SLC45A1: variants seen among roughly 807,000 people sequenced by gnomAD.
The protein encoded by SLC45A1 is solute carrier family 45 member 1, also known as proton-associated sugar transporter A.
Under a neutral mutation model 57.6 loss-of-function variants are expected in SLC45A1, and 28 were observed. That is an observed-to-expected ratio of 0.49 (90% CI 0.36 to 0.67). The LOEUF (loss-of-function observed/expected upper bound fraction) is 0.67, where lower values mean the gene tolerates loss of function less well. Ranked by LOEUF, SLC45A1 falls within the 30% of genes least tolerant of loss-of-function variation. SLC45A1 has a pLI of 0.00. For synonymous variants in SLC45A1, 459 were observed against 471.5 expected, an observed-to-expected ratio of 0.97 and a Z score of 0.34; for missense variants, 814 against 1,041.5, an observed-to-expected ratio of 0.78 and a Z score of 3.01.
intron 4 of SLC45A1, among the ~76,000 whole-genome samples, chr1:8,329,858 G>A (rs905626872): frequency 6.6e-6 from 1 of 152,192 alleles, no homozygotes; most frequent in Non-Finnish European, 1.5e-5. Flanking sequence ...AGGGGCCCTC[G>A]GAGGGAGGAT....
At position 8,339,620 on chromosome 1, in the gene SLC45A1, C is replaced by T. The variant is rs748997065; in HGVS notation, c.1902C>T (p.Cys634=). 2.5e-6 allele frequency: 4 copies of T among 1,614,150 alleles called. No homozygotes were observed. Among genetic ancestry groups the T allele is most frequent in the East Asian group, 2.2e-5 (1 of 44,900 alleles). ...SRNLYVVLSL[C]ITYGILFSTL... ...ACCTCTACGTGGTCCTGTCGCTCTG[C>T]ATAACCTACGGGATTTTATTTTCCA... Residue 634 remains cysteine (C), a synonymous_variant, in exon 8 of 9, where the codon TGC becomes TGT. Coordinates refer to ENST00000471889, the MANE Select transcript of SLC45A1 (RefSeq NM_001080397.3).
At chr1:8,339,796 G>C (rs945372430) in intron 8 of SLC45A1, 98 bp downstream of exon 8, 2 of 1,164,710 alleles carry the variant, frequency 1.7e-6, no homozygotes, top group Non-Finnish European at 2.6e-6. Context: ...GCAGAGCCCG[G>C]TGCAAAATGT....
At chr1:8,321,202 A>G (rs1640000820) in intron 1 of SLC45A1, among the ~76,000 whole-genome samples, 1 of 152,170 alleles carries the variant, frequency 6.6e-6, no homozygotes, top group Non-Finnish European at 1.5e-5. Context: ...CTTCTTAAAC[A>G]TGTTAATCTT....
chr1:8,325,425 G>GA lies in SLC45A1; in HGVS notation c.490+45dup, dbSNP rs752141778. The GA allele has an allele frequency of 4.9e-3, 6,132 of 1,240,110 alleles. No homozygotes were observed. The highest frequency in any genetic ancestry group is 5.8e-3 in the Non-Finnish European group (5,219 of 899,346). The allele number at this position is 1,240,110 out of a possible 1,614,324, so 76.8% of individuals were successfully genotyped here. A position where few individuals can be genotyped will look rare whatever the true frequency, so the allele number is the denominator to read the frequency against. ...TTTGGCATGGAAATAAAATGGAGAG[G>GA]AAAAAAAAAAGGCCCCAACTGCTTC... On this transcript the variant is annotated intron_variant, in intron 3 of 8. Transcript: ENST00000471889. This position sits in a 1 kb window ranked among gnomAD's most constrained non-coding sequence, Gnocchi z 6.3.
At chr1:8,331,674 G>A (rs888154636) in intron 5 of SLC45A1, among the ~76,000 whole-genome samples, 14 of 152,134 alleles carry the variant, frequency 9.2e-5, no homozygotes, top group South Asian at 2.1e-4. Flanking sequence ...GAAACGTGAC[G>A]TCTTCCCTTG....
At chr1:8,332,349 G>A (rs1043545405) in intron 5 of SLC45A1, among the ~76,000 whole-genome samples, 11 of 152,134 alleles carry the variant, frequency 7.2e-5, no homozygotes, top group Non-Finnish European at 4.4e-5. Flanking sequence ...GTTAACTTCC[G>A]GAGGCTATAA....
At position 8,324,504 on chromosome 1, in the gene SLC45A1, T is replaced by A; in HGVS notation, c.175T>A (p.Ser59Thr). The change falls in exon 2 of 9, where the codon TCC (serine) becomes ACC (threonine). Residue 59 changes from serine (S) to threonine (T), a missense_variant. Transcript: ENST00000471889. ...CAAGAGGAGGAAGTGCATTCGTCCC[T>A]CCCCACCCCCGCCCCCCAACACCCC... is the stretch of plus-strand genomic sequence containing the variant. ...HPKRRKCIRPSPPPPPNTPCP... is the reference protein window; with the variant it reads ...HPKRRKCIRPTPPPPPNTPCP... 2.0e-6 allele frequency: 3 copies of A among 1,528,624 alleles called. No homozygotes were observed. Among genetic ancestry groups the A allele is most frequent in the Non-Finnish European group, 2.7e-6 (3 of 1,108,712 alleles). 94.7% of individuals were successfully genotyped at this position (1,528,624 alleles called of 1,614,324 possible).
At chr1:8,342,432 C>T (rs1222612610) in intron 8 of SLC45A1, among the ~76,000 whole-genome samples, 3 of 152,164 alleles carry the variant, frequency 2.0e-5, no homozygotes, top group Admixed American at 6.5e-5. Context: ...CCCTCTGACC[C>T]TCCCACTCTC....
chr1:8,334,274 A>G (rs1314258061), intron 5 of SLC45A1, among the ~76,000 whole-genome samples: 2 of 152,240 alleles, frequency 1.3e-5, no homozygotes, highest in Admixed American at 1.3e-4. Flanking sequence ...GCGTAACTGC[A>G]GCGCTGTTCC....
chr1:8,324,233 T>G, intron 1 of SLC45A1, 73 bp from the exon 2 acceptor site: 5 of 1,339,358 alleles, frequency 3.7e-6, no homozygotes, highest in Non-Finnish European at 4.2e-6. Flanking sequence ...AATTCTGCAG[T>G]GTGAACTCAA....
rs1640249236 is a variant in SLC45A1, at chr1:8,327,842, C to T, written c.715+1800C>T. ...GGTCAGGCGTTCAAGACCAGCCTGGCCAACATGACAAAATCCCATCTCTAC... is the reference window on the plus strand; with the variant it reads ...GGTCAGGCGTTCAAGACCAGCCTGGTCAACATGACAAAATCCCATCTCTAC... On this transcript the variant is annotated intron_variant, in intron 4 of 8. Coordinates refer to ENST00000471889, the MANE Select transcript of SLC45A1 (RefSeq NM_001080397.3). This position sits in a 1 kb window ranked among gnomAD's most constrained non-coding sequence, Gnocchi z 4.3. 6.6e-6 allele frequency among the ~76,000 whole-genome samples: 1 copy of T among 152,056 alleles called. No homozygotes were observed. Among genetic ancestry groups the T allele is most frequent in the Admixed American group, 6.6e-5 (1 of 15,264 alleles).
intron 5 of SLC45A1, among the ~76,000 whole-genome samples, chr1:8,333,565 A>G (rs1263767966): frequency 6.6e-6 from 1 of 152,072 alleles, no homozygotes; most frequent in Non-Finnish European, 1.5e-5. Context: ...CCTCCTGAGT[A>G]GCAGGGACTA....
chr1:8,318,121 C>T lies in SLC45A1; in HGVS notation c.-90C>T. On this transcript the variant is annotated 5_prime_UTR_variant, in exon 1 of 9. Coordinates refer to ENST00000471889, the MANE Select transcript of SLC45A1 (RefSeq NM_001080397.3). ...CCCGCCCCGGGTGATGCTGCAGCAG[C>T]CGGGACCGCGGCCGGGCAGGCAGCA... is the stretch of plus-strand genomic sequence containing the variant. The T allele has an allele frequency of 2.1e-6, 1 of 475,808 alleles. No individual in the cohort carries two copies. Among genetic ancestry groups the T allele is most frequent in the Non-Finnish European group, 3.8e-6 (1 of 262,290 alleles). 29.5% of individuals were successfully genotyped at this position (475,808 alleles called of 1,614,324 possible).
rs12565834 is a variant in SLC45A1, at chr1:8,330,186, T to C, written c.716-23T>C. 449,849 of 1,605,768 alleles carry C rather than the reference T, an allele frequency of 0.28. 66,812 individuals are homozygous for C. Among genetic ancestry groups the C allele is most frequent in the African/African-American group, 0.51 (38,057 of 74,580 alleles). On this transcript the variant is annotated intron_variant, in intron 4 of 8. Coordinates refer to ENST00000471889, the MANE Select transcript of SLC45A1 (RefSeq NM_001080397.3). The surrounding 1 kb of genome is among the most constrained non-coding windows in gnomAD (Gnocchi z 8.4). ...GGCTTCTCCTCCCGCAGAAGGGAAC[T>C]CAAACCCTGTCTCTTTCCCCAGGTC...
chr1:8,323,859 C>T (rs1239396919), intron 1 of SLC45A1, among the ~76,000 whole-genome samples: 1 of 152,196 alleles, frequency 6.6e-6, no homozygotes, highest in Non-Finnish European at 1.5e-5. Context: ...CTCAGGGTGC[C>T]GGGGGGGTGG....
At position 8,325,361 on chromosome 1, in the gene SLC45A1, G is replaced by C; in HGVS notation, c.461G>C (p.Arg154Thr). 1 of 1,613,076 alleles carries C rather than the reference G, an allele frequency of 6.2e-7. No individual in the cohort carries two copies. The highest frequency in any genetic ancestry group is 8.5e-7 in the Non-Finnish European group (1 of 1,179,252). ...SDRCTSRFGR[R>T]RPFILVLAIG... ...CGGTGTACCTCAAGGTTTGGAAGGA[G>C]ACGCCCTTTCATTCTTGTCCTGGCT... Residue 154 changes from arginine to threonine, a missense_variant, in exon 3 of 9, where the codon AGA becomes ACA. By Grantham distance (71) the Arg-to-Thr change is moderately conservative. Coordinates refer to ENST00000471889, the MANE Select transcript of SLC45A1 (RefSeq NM_001080397.3). The surrounding 1 kb of genome is among the most constrained non-coding windows in gnomAD (Gnocchi z 6.3).
At position 8,330,973 on chromosome 1, in the gene SLC45A1, G is replaced by A. The variant is rs1276719803; in HGVS notation, c.1443+37G>A. On this transcript the variant is annotated intron_variant, in intron 5 of 8. Coordinates refer to ENST00000471889, the MANE Select transcript of SLC45A1 (RefSeq NM_001080397.3). The surrounding 1 kb of genome is among the most constrained non-coding windows in gnomAD (Gnocchi z 8.4). ...TGTCGGGGGAGCTGAGGCTCAGAGG[G>A]TGGCATTCGGGGGTCCCCTGGTCAG... The A allele has an allele frequency of 6.5e-7, 1 of 1,538,642 alleles. No homozygotes were observed. Among genetic ancestry groups the A allele is most frequent in the Admixed American group, 1.9e-5 (1 of 53,698 alleles).
Position 8,325,928 on chromosome 1 carries a change from G to T in SLC45A1, c.601G>T (p.Val201Leu). The T allele has an allele frequency of 6.2e-7, 1 of 1,613,962 alleles. No individual in the cohort carries two copies. The highest frequency in any genetic ancestry group is 8.5e-7 in the Non-Finnish European group (1 of 1,180,042). Residue 201 changes from valine (V) to leucine (L), a missense_variant, in exon 4 of 9, where the codon GTG becomes TTG. Val to Leu is a conservative substitution (Grantham distance 32). Coordinates refer to ENST00000471889, the MANE Select transcript of SLC45A1 (RefSeq NM_001080397.3). This position sits in a 1 kb window ranked among gnomAD's most constrained non-coding sequence, Gnocchi z 6.3. ...WGLLLTVCGV[V>L]LMDFSADSAD... ...CCTGCTGCTGACCGTGTGCGGTGTG[G>T]TGCTGATGGACTTTAGCGCCGACTC...
Position 8,325,872 on chromosome 1 carries a change from T to C in SLC45A1, c.545T>C (p.Leu182Pro), listed in dbSNP as rs774650983. 1 of 1,614,038 alleles carries C rather than the reference T, an allele frequency of 6.2e-7. No homozygotes were observed. The highest frequency in any genetic ancestry group is 1.7e-5 in the Admixed American group (1 of 60,030). The change falls in exon 4 of 9, where the codon CTG (leucine) becomes CCG (proline). Residue 182 changes from leucine to proline, a missense_variant. Transcript: ENST00000471889. This position sits in a 1 kb window ranked among gnomAD's most constrained non-coding sequence, Gnocchi z 6.3. ...AATGGCCGGGACATTGGCATCGCCC[T>C]GGCTGACGTGACCGGGAACCACAAG... ...LLNGRDIGIALADVTGNHKWG... is the reference protein window; with the variant it reads ...LLNGRDIGIAPADVTGNHKWG...
Sources: gnomAD v4.1 joint callset for allele counts (sites outside exome capture counted in the v4.1 genomes callset) on GRCh38, gnomAD v4.1.1 for gene constraint, Gnocchi (gnomAD v3.1) non-coding constraint, MANE v1.5 for transcripts, NCBI Gene and HGNC (gene_info 2026-07-23, HGNC 2026-07-21) for gene names.